The following RBMS1 variants were observed in gnomAD, a reference collection of about 807,000 sequenced individuals.
The protein encoded by RBMS1 is RNA-binding motif, single-stranded-interacting protein 1.
A neutral mutation model predicts 62.3 loss-of-function variants in RBMS1; 17 were observed. The ratio of observed to expected loss-of-function variants is 0.27; its 90% confidence interval spans 0.19 to 0.41. RBMS1 has a LOEUF of 0.41. RBMS1 is among the 10% of genes least tolerant of loss of function. The probability of loss-of-function intolerance (pLI) is 1.00; values close to 1 mark genes in which losing one functional copy is unlikely to be tolerated. For synonymous variants in RBMS1, 172 were observed against 170.0 expected, an observed-to-expected ratio of 1.01 and a Z score of -0.09; for missense variants, 334 against 504.5, an observed-to-expected ratio of 0.66 and a Z score of 3.24.
At chr2:160,411,834 C>G (rs1217020099) in intron 1 of RBMS1, among the ~76,000 whole-genome samples, 2 of 152,122 alleles carry the variant, frequency 1.3e-5, no homozygotes, top group Admixed American at 1.3e-4. Flanking sequence ...AAGGGTACAG[C>G]AGGAATTAAG....
At position 160,445,726 on chromosome 2, in the gene RBMS1, A is replaced by G. The variant is rs553226501; in HGVS notation, c.75+47563T>C. Among the ~76,000 whole-genome samples, 4 of 152,372 alleles carry G rather than the reference A, an allele frequency of 2.6e-5. 1 individual carries two copies. In the South Asian group the frequency reaches 8.3e-4, roughly 32 times the overall value. ...TGCTACAATGCACATTTAGTAAGCA[A>G]GACCAATCCCCATCCATCAGTTCAG... On this transcript the variant is annotated intron_variant, in intron 1 of 13. Transcript: ENST00000348849.
intron 1 of RBMS1, among the ~76,000 whole-genome samples, chr2:160,482,476 C>T (rs1685411452): frequency 6.6e-6 from 1 of 152,174 alleles, no homozygotes; most frequent in Non-Finnish European, 1.5e-5. Flanking sequence ...GTTTTAATTA[C>T]ATATCACACC....
At chr2:160,368,118 C>T (rs907448792) in intron 1 of RBMS1, among the ~76,000 whole-genome samples, 2 of 152,180 alleles carry the variant, frequency 1.3e-5, no homozygotes, top group African/African-American at 4.8e-5. Flanking sequence ...TGAAATTGTA[C>T]TCATACCAGA....
chr2:160,479,289 G>T (rs1053745440), intron 1 of RBMS1, among the ~76,000 whole-genome samples: 15 of 152,356 alleles, frequency 9.8e-5, no homozygotes, highest in African/African-American at 3.6e-4. Context: ...GGGTGAGCAG[G>T]GCGCAGCTCT....
chr2:160,387,400 T>C (rs905134475), intron 1 of RBMS1, among the ~76,000 whole-genome samples: 2 of 151,930 alleles, frequency 1.3e-5, no homozygotes, highest in Non-Finnish European at 1.5e-5. Flanking sequence ...TCACTAAATG[T>C]TTTTTCCTAA....
intron 2 of RBMS1, among the ~76,000 whole-genome samples, chr2:160,348,788 T>A (rs1692324925): frequency 1.3e-5 from 2 of 152,290 alleles, no homozygotes; most frequent in Admixed American, 1.3e-4. Context: ...TGTATCTCAA[T>A]GCATCCTATT....
chr2:160,407,514 T>A, intron 1 of RBMS1: 1 of 986,232 alleles, frequency 1.0e-6, no homozygotes, highest in Non-Finnish European at 1.2e-6. Flanking sequence ...GGGTTGCCAC[T>A]GCTGCTGGGG....
At chr2:160,322,544 CTG>C (rs1434328462) in intron 2 of RBMS1, among the ~76,000 whole-genome samples, 6 of 152,332 alleles carry the variant, frequency 3.9e-5, no homozygotes, top group East Asian at 1.9e-4. Flanking sequence ...GACTGAAAGA[CTG>C]TGATTTCACA....
chr2:160,281,094 A>G (rs1469991273), intron 10 of RBMS1, among the ~76,000 whole-genome samples: 2 of 152,208 alleles, frequency 1.3e-5, no homozygotes, highest in Non-Finnish European at 2.9e-5. Context: ...TGCCTCAAAT[A>G]TGATATATTT....
At chr2:160,438,466 C>T (rs554844054) in intron 1 of RBMS1, among the ~76,000 whole-genome samples, 2 of 151,838 alleles carry the variant, frequency 1.3e-5, no homozygotes, top group Non-Finnish European at 2.9e-5. Context: ...TGACTCTTAA[C>T]GAGCATGCTG....
At chr2:160,333,845 T>C (rs1228647063) in intron 2 of RBMS1, among the ~76,000 whole-genome samples, 1 of 151,896 alleles carries the variant, frequency 6.6e-6, no homozygotes, top group South Asian at 2.1e-4. Flanking sequence ...ACTCAGGAGA[T>C]AACAAACCCG....
intron 1 of RBMS1, among the ~76,000 whole-genome samples, chr2:160,471,706 T>TAC (rs556612372): frequency 1.9e-5 from 2 of 105,516 alleles, no homozygotes; most frequent in Non-Finnish European, 4.1e-5. Context: ...TATATATATA[T>TAC]ATATATATAT....
chr2:160,275,820 T>G, intron 12 of RBMS1, 106 bp from the exon 13 acceptor site: 2 of 1,483,930 alleles, frequency 1.3e-6, no homozygotes, highest in Non-Finnish European at 1.8e-6. Flanking sequence ...AGTTACTCTT[T>G]AAAGTAAATT....
At chr2:160,336,709 T>C (rs1691589697) in intron 2 of RBMS1, among the ~76,000 whole-genome samples, 1 of 152,152 alleles carries the variant, frequency 6.6e-6, no homozygotes, top group Admixed American at 6.5e-5. Flanking sequence ...TTCCTAAGTA[T>C]TTGAAATCCA....
intron 2 of RBMS1, among the ~76,000 whole-genome samples, chr2:160,357,759 T>A (rs562880561): frequency 5.3e-5 from 8 of 152,242 alleles, no homozygotes; most frequent in African/African-American, 1.9e-4. Context: ...CAAGAGGGGA[T>A]TAAACACTGT....
intron 4 of RBMS1, among the ~76,000 whole-genome samples, chr2:160,312,033 C>A (rs1421430518): frequency 1.3e-5 from 2 of 152,190 alleles, no homozygotes; most frequent in Non-Finnish European, 2.9e-5. Flanking sequence ...GTGTGACTCT[C>A]CTTGTTGAGC....
chr2:160,284,525 G>A (rs979490301), intron 9 of RBMS1: 1 of 472,730 alleles, frequency 2.1e-6, no homozygotes, highest in African/African-American at 2.0e-5. Context: ...AAGTGTTTGG[G>A]TTCATTCCAA....
intron 2 of RBMS1, among the ~76,000 whole-genome samples, chr2:160,364,012 C>T (rs1357328541): frequency 1.3e-5 from 2 of 152,128 alleles, no homozygotes; most frequent in Non-Finnish European, 2.9e-5. Flanking sequence ...AAAATGGACA[C>T]AACATGAGCC....
At position 160,324,893 on chromosome 2, in the gene RBMS1, TATATATATATATATAC is replaced by T. The variant is rs1690816142; in HGVS notation, c.252-6682_252-6667del. ...GTGTGTGTGTGTGTGTATATATATA[TATATATATATATATAC>T]ACACACACACACACACACACACACA... On this transcript the variant is annotated intron_variant, in intron 2 of 13. Coordinates refer to ENST00000348849, the MANE Select transcript of RBMS1 (RefSeq NM_016836.4). Among the ~76,000 whole-genome samples, 7 of 104,596 alleles carry T rather than the reference TATATATATATATATAC, an allele frequency of 6.7e-5. No homozygotes were observed. The East Asian group carries it at 1.6e-3, about 24-fold the overall frequency. 68.6% of individuals were successfully genotyped at this position (104,596 alleles called of 152,430 possible).
Sources: gnomAD v4.1 joint callset for allele counts (sites outside exome capture counted in the v4.1 genomes callset) on GRCh38, gnomAD v4.1.1 for gene constraint, MANE v1.5 for transcripts, NCBI Gene and HGNC (gene_info 2026-07-23, HGNC 2026-07-21) for gene names.